PTPN18: variants seen among roughly 807,000 people sequenced by gnomAD.
PTPN18 encodes the protein protein tyrosine phosphatase non-receptor type 18.
A neutral mutation model predicts 65.4 loss-of-function variants in PTPN18; 65 were observed. The observed-to-expected ratio is 0.99, with a 90% CI of 0.81 to 1.22. The LOEUF is 1.22. Among genes scored for constraint, PTPN18 ranks in the 50% most tolerant of loss-of-function variants. The pLI is 0.00. For synonymous variants in PTPN18, 255 were observed against 267.8 expected (o/e 0.95, Z 0.47); for missense variants, 616 against 646.5 (o/e 0.95, Z 0.51).
At chr2:130,372,650 GC>G (rs1392099408) in intron 13 of PTPN18, 167 bp downstream of exon 13, 2 of 1,040,038 alleles carry the variant, frequency 1.9e-6, no homozygotes, top group Non-Finnish European at 2.7e-6. Context: ...CCCCGGAAGC[GC>G]CCCCTGGCGG....
At chr2:130,369,270 A>C in intron 6 of PTPN18, 69 bp downstream of exon 6, 2 of 1,441,840 alleles carry the variant, frequency 1.4e-6, no homozygotes, top group Non-Finnish European at 1.9e-6. Flanking sequence ...TAAAAGGTTG[A>C]ATGATTTAAC....
At chr2:130,363,784 A>T (rs940102792) in intron 5 of PTPN18, among the ~76,000 whole-genome samples, 2 of 147,206 alleles carry the variant, frequency 1.4e-5, no homozygotes, top group Non-Finnish European at 3.0e-5. Flanking sequence ...GTGGGTTTTC[A>T]TGTCTCTTGG....
intron 1 of PTPN18, chr2:130,356,627 A>T (rs917250352): frequency 2.1e-6 from 1 of 472,358 alleles, no homozygotes; most frequent in South Asian, 1.5e-5. Flanking sequence ...CAGGGCGAAG[A>T]GGAACACGGA....
Position 130,373,299 on chromosome 2 carries a change from C to A in PTPN18, c.*75C>A. ...TGCCCCGGTGCTGCTGAGCGCCGTG[C>A]GCAGAATGGAAACAGTGGGCCTGGA... On this transcript the variant is annotated 3_prime_UTR_variant, in exon 15 of 15. Transcript: ENST00000175756. The surrounding 1 kb of genome is among the most constrained non-coding windows in gnomAD (Gnocchi z 4.1). 1 of 1,363,036 alleles carries A rather than the reference C, an allele frequency of 7.3e-7. No individual in the cohort carries two copies. The highest frequency in any genetic ancestry group is 9.9e-7 in the Non-Finnish European group (1 of 1,012,932). The allele number at this position is 1,363,036 out of a possible 1,614,324, so 84.4% of individuals were successfully genotyped here.
chr2:130,373,314 G>C lies in PTPN18; in HGVS notation c.*90G>C. The C allele has an allele frequency of 7.8e-7, 1 of 1,279,680 alleles. No homozygotes were observed. Among genetic ancestry groups the C allele is most frequent in the Non-Finnish European group, 1.1e-6 (1 of 945,992 alleles). The allele number at this position is 1,279,680 out of a possible 1,614,324, so 79.3% of individuals were successfully genotyped here. On this transcript the variant is annotated 3_prime_UTR_variant, in exon 15 of 15. Coordinates refer to ENST00000175756, the MANE Select transcript of PTPN18 (RefSeq NM_014369.4). The surrounding 1 kb of genome is among the most constrained non-coding windows in gnomAD (Gnocchi z 4.1). The stretch of plus-strand genomic sequence containing the variant: ...GAGCGCCGTGCGCAGAATGGAAACA[G>C]TGGGCCTGGATCAAAGTTAAAGTTT...
At chr2:130,371,002 A>G (rs1387099231) in intron 11 of PTPN18, 38 bp downstream of exon 11, 2 of 1,594,518 alleles carry the variant, frequency 1.3e-6, no homozygotes, top group Non-Finnish European at 1.7e-6. Flanking sequence ...GTCCACCATC[A>G]GCACCCTCAG....
chr2:130,359,781 A>G, intron 5 of PTPN18, 135 bp downstream of exon 5: 1 of 1,084,888 alleles, frequency 9.2e-7, no homozygotes, highest in Non-Finnish European at 1.3e-6. Flanking sequence ...GGGAAGCCCC[A>G]TTGTTCCTCT....
intron 5 of PTPN18, among the ~76,000 whole-genome samples, chr2:130,366,530 C>T (rs956937701): frequency 9.9e-5 from 15 of 152,044 alleles, no homozygotes; most frequent in Non-Finnish European, 1.5e-4. Flanking sequence ...ATTTTTGTGT[C>T]TATGTTTGTG....
At chr2:130,362,189 C>G (rs368413337) in intron 5 of PTPN18, 4 of 468,470 alleles carry the variant, frequency 8.5e-6, no homozygotes, top group Non-Finnish European at 1.8e-5. Context: ...AGGCTGGTCT[C>G]GAACTCCTGG....
At chr2:130,359,753 A>G in intron 5 of PTPN18, 107 bp downstream of exon 5, 3 of 1,321,486 alleles carry the variant, frequency 2.3e-6, no homozygotes, top group Non-Finnish European at 3.2e-6. Flanking sequence ...TCTTGGAGTG[A>G]CCTTATTGTA....
rs746232904 is a variant in PTPN18, at chr2:130,369,828, G to A, written c.546+1G>A. 9.4e-6 allele frequency: 15 copies of A among 1,593,346 alleles called. No homozygotes were observed. The highest frequency in any genetic ancestry group is 8.6e-7 in the Non-Finnish European group (1 of 1,161,640). On this transcript the variant is annotated splice_donor_variant, in intron 7 of 14. Transcript: ENST00000175756. LOFTEE classifies it high-confidence loss of function. ...GACCCTCAAGGTCACATTCCAGAAGGTACTGTGACAGGGGAGGAGGAGGTA... is the reference window on the plus strand; with the variant it reads ...GACCCTCAAGGTCACATTCCAGAAGATACTGTGACAGGGGAGGAGGAGGTA...
chr2:130,361,224 T>A (rs1680180678), intron 5 of PTPN18, among the ~76,000 whole-genome samples: 1 of 152,254 alleles, frequency 6.6e-6, no homozygotes, highest in South Asian at 2.1e-4. Context: ...AAGTATTAAT[T>A]AGGTCAAGTT....
At chr2:130,358,781 G>A (rs1260974979) in intron 1 of PTPN18, 86 bp from the exon 2 acceptor site, 92 of 1,083,500 alleles carry the variant, frequency 8.5e-5, no homozygotes, top group Non-Finnish European at 1.2e-4. Context: ...TTTGTATCCT[G>A]CAAGCGTGCC....
chr2:130,369,755 CCT>C lies in PTPN18; in HGVS notation c.484-9_484-8del. On this transcript the variant is annotated splice_polypyrimidine_tract_variant and splice_region_variant and intron_variant, in intron 6 of 14. Transcript: ENST00000175756. ...TCCCTCTTCTTACTTGCCCCACCCC[CCT>C]TACTCAGATAAAGGAGAAGTGGCTG... is the stretch of plus-strand genomic sequence containing the variant. 6.3e-7 allele frequency: 1 copy of C among 1,583,480 alleles called. No homozygotes were observed. The highest frequency in any genetic ancestry group is 8.7e-7 in the Non-Finnish European group (1 of 1,152,522).
At chr2:130,371,408 G>T in intron 12 of PTPN18, 121 bp downstream of exon 12, 6 of 862,852 alleles carry the variant, frequency 7.0e-6, no homozygotes, top group Middle Eastern at 2.4e-4. Flanking sequence ...CCCTTTCTTC[G>T]AATTGAGCTC....
chr2:130,374,366 C>A lies in PTPN18; in HGVS notation c.*1142C>A. The A allele has an allele frequency of 4.5e-6, 1 of 221,702 alleles. No homozygotes were observed. The highest frequency in any genetic ancestry group is 6.0e-5 in the South Asian group (1 of 16,642). 13.7% of individuals were successfully genotyped at this position (221,702 alleles called of 1,614,324 possible). ...TTTTTTTTTAAGAAATGAGTTTTTG[C>A]CATGTTGCCCAGACTGGTCTTGAAC... On this transcript the variant is annotated 3_prime_UTR_variant, in exon 15 of 15. Transcript: ENST00000175756.
rs112040677 is a variant in PTPN18, at chr2:130,372,355, AGACGGGGACGGG to A, written c.1126_1137del (p.Thr376_Gly379del). 115 of 1,374,612 alleles carry A rather than the reference AGACGGGGACGGG, an allele frequency of 8.4e-5. No homozygotes were observed. The East Asian group carries it at 1.3e-3, about 16-fold the overall frequency. 85.2% of individuals were successfully genotyped at this position (1,374,612 alleles called of 1,614,324 possible). The stretch of plus-strand genomic sequence containing the variant: ...CCAGCGGGCGCCGGGAGTGGGACGC[AGACGGGGACGGG>A]GACGGGGACGGGGGCGCGCAGCGCG... On this transcript the variant is annotated inframe_deletion, in exon 13 of 15. Coordinates refer to ENST00000175756, the MANE Select transcript of PTPN18 (RefSeq NM_014369.4).
At chr2:130,356,245 C>CCCTG (rs1283639442) in intron 1 of PTPN18, 45 bp downstream of exon 1, 57 of 1,244,146 alleles carry the variant, frequency 4.6e-5, no homozygotes, top group Middle Eastern at 2.1e-4. Flanking sequence ...CCGGCCCTGG[C>CCCTG]CCTGCGTACG....
At chr2:130,366,749 A>G (rs1400509184) in intron 5 of PTPN18, among the ~76,000 whole-genome samples, 1 of 152,154 alleles carries the variant, frequency 6.6e-6, no homozygotes, top group Non-Finnish European at 1.5e-5. Context: ...ACATTTAGCC[A>G]CTTACTTTTC....
Sources: gnomAD v4.1 joint callset for allele counts (sites outside exome capture counted in the v4.1 genomes callset) on GRCh38, gnomAD v4.1.1 for gene constraint, Gnocchi (gnomAD v3.1) non-coding constraint, MANE v1.5 for transcripts, NCBI Gene and HGNC (gene_info 2026-07-23, HGNC 2026-07-21) for gene names.